The following IFT81 variants were observed in gnomAD, a reference collection of about 807,000 sequenced individuals.
IFT81 encodes the protein intraflagellar transport protein 81 homolog.
In IFT81, 72 loss-of-function variants were observed where a neutral mutation model predicts 102.6. That is an observed-to-expected ratio of 0.70 (90% confidence interval 0.58 to 0.85). The LOEUF is 0.85. Among genes scored for constraint, IFT81 ranks in the 40% least tolerant of loss-of-function variants. IFT81 has a pLI of 0.00. For synonymous variants in IFT81, 237 were observed against 242.7 expected, an observed-to-expected ratio of 0.98 and a Z score of 0.22; for missense variants, 723 against 787.3, an observed-to-expected ratio of 0.92 and a Z score of 0.98.
rs569016929 is a variant in IFT81 at position 110,194,107 on chromosome 12, G to A, written c.1557+1401G>A. ...CTTATGAGAACTCACTCACTATCATGAAAACAGCACCAAGAGAATGGTGCT... is the reference window on the plus strand; with the variant it reads ...CTTATGAGAACTCACTCACTATCATAAAAACAGCACCAAGAGAATGGTGCT... On this transcript the variant is annotated intron_variant, in intron 14 of 18. Coordinates refer to ENST00000242591, the MANE Select transcript of IFT81 (RefSeq NM_014055.4). 2.6e-5 allele frequency among the ~76,000 whole-genome samples: 4 copies of A among 152,214 alleles called. No individual in the cohort carries two copies. In the South Asian group the frequency reaches 8.3e-4, roughly 32 times the overall value.
intron 17 of IFT81, among the ~76,000 whole-genome samples, chr12:110,207,269 A>G (rs537419557): frequency 1.3e-5 from 2 of 152,258 alleles, no homozygotes; most frequent in African/African-American, 4.8e-5. Context: ...CATGTTAGCC[A>G]GGTTGGTCTC....
At chr12:110,174,619 A>G (rs1462117485) in intron 11 of IFT81, among the ~76,000 whole-genome samples, 2 of 152,164 alleles carry the variant, frequency 1.3e-5, no homozygotes, top group Admixed American at 1.3e-4. Context: ...TTCTTGTTTC[A>G]CATAAATATC....
At position 110,181,883 on chromosome 12, in the gene IFT81, G is replaced by A. The variant is rs1275386261; in HGVS notation, c.1338+1312G>A. On this transcript the variant is annotated intron_variant, in intron 12 of 18. Transcript: ENST00000242591. The stretch of plus-strand genomic sequence containing the variant: ...AAGGAGGGGAGTGAGGGAAGCAGAT[G>A]AGGCAGCAGAAAAAAGCCAAGCAAG... Among the ~76,000 whole-genome samples, 3 of 152,178 alleles carry A rather than the reference G, an allele frequency of 2.0e-5. No homozygotes were observed. In the East Asian group the frequency reaches 5.8e-4, roughly 29 times the overall value.
chr12:110,147,169 C>A, intron 10 of IFT81, 121 bp downstream of exon 10: 1 of 684,266 alleles, frequency 1.5e-6, no homozygotes. Flanking sequence ...TCTGTCACTG[C>A]TAATCTCCAT....
Position 110,205,680 on chromosome 12 carries a change from G to A in IFT81, c.1802G>A (p.Arg601Lys), listed in dbSNP as rs769641054. The change falls in exon 17 of 19, where the codon AGG becomes AAG. Residue 601 changes from arginine (R) to lysine (K), a missense_variant and splice_region_variant. Transcript: ENST00000242591. ...CAACAAGAAAAAAGAAAGGCAATTA[G>A]GCAAGTGATTTTGTTGTTTTATATT... ...SDQQEKRKAI[R>K]EQYTKNTAEQ... 3.2e-6 allele frequency: 5 copies of A among 1,570,172 alleles called. No homozygotes were observed. In the East Asian group the frequency reaches 6.8e-5, roughly 21 times the overall value.
intron 15 of IFT81, 47 bp from the exon 16 acceptor site, chr12:110,205,396 G>C (rs764084345): frequency 1.9e-6 from 3 of 1,541,448 alleles, no homozygotes; most frequent in Non-Finnish European, 2.6e-6. Context: ...CGCCATATCT[G>C]TCTCATTCTT....
At chr12:110,197,555 C>CATATATATATATATATATATAT (rs141544205) in intron 14 of IFT81, among the ~76,000 whole-genome samples, 5 of 108,814 alleles carry the variant, frequency 4.6e-5, no homozygotes, top group Non-Finnish European at 7.6e-5. Flanking sequence ...AGGTTTTTAT[C>CATATATATATATATATATATAT]ATATATATAT....
chr12:110,209,806 T>A (rs987999344), intron 18 of IFT81, among the ~76,000 whole-genome samples: 1 of 151,944 alleles, frequency 6.6e-6, no homozygotes, highest in Non-Finnish European at 1.5e-5. Flanking sequence ...CAGATATCTC[T>A]TTATGAGATA....
intron 10 of IFT81, among the ~76,000 whole-genome samples, chr12:110,157,382 A>C (rs963310764): frequency 2.0e-5 from 3 of 152,062 alleles, no homozygotes; most frequent in African/African-American, 4.8e-5. Context: ...TAATAATCAT[A>C]ATAATAAAAG....
chr12:110,215,453 CTTTTTTTTT>C (rs556887393), intron 18 of IFT81, among the ~76,000 whole-genome samples: 21 of 61,934 alleles, frequency 3.4e-4, no homozygotes, highest in African/African-American at 1.3e-3. Flanking sequence ...TCTTCTTCTT[CTTTTTTTTT>C]TTTTTTTTTT....
intron 10 of IFT81, among the ~76,000 whole-genome samples, chr12:110,157,137 C>T (rs1036383011): frequency 6.6e-6 from 1 of 151,696 alleles, no homozygotes; most frequent in African/African-American, 2.4e-5. Flanking sequence ...ATCATGTGGT[C>T]AGGAGTTTGA....
intron 11 of IFT81, among the ~76,000 whole-genome samples, chr12:110,175,032 A>G (rs1216169209): frequency 6.6e-6 from 1 of 152,238 alleles, no homozygotes; most frequent in African/African-American, 2.4e-5. Context: ...GCTCTTTCAT[A>G]GAAGACTAAT....
At chr12:110,208,356 A>C (rs1868956011) in intron 17 of IFT81, among the ~76,000 whole-genome samples, 1 of 152,068 alleles carries the variant, frequency 6.6e-6, no homozygotes. Flanking sequence ...AATACAAAAA[A>C]ATTAGCCCAA....
At chr12:110,128,692 G>A (rs1229280427) in intron 3 of IFT81, among the ~76,000 whole-genome samples, 1 of 151,030 alleles carries the variant, frequency 6.6e-6, no homozygotes, top group African/African-American at 2.4e-5. Context: ...AGCTACTTGG[G>A]AGGCTAAGGT....
At chr12:110,144,419 G>A (rs1412033546) in intron 9 of IFT81, among the ~76,000 whole-genome samples, 1 of 151,566 alleles carries the variant, frequency 6.6e-6, no homozygotes, top group African/African-American at 2.4e-5. Flanking sequence ...GTTTCACCGT[G>A]TTGGTCATGC....
At chr12:110,200,093 A>G (rs1250337551) in intron 14 of IFT81, among the ~76,000 whole-genome samples, 1 of 151,934 alleles carries the variant, frequency 6.6e-6, no homozygotes, top group East Asian at 1.9e-4. Flanking sequence ...AATTTCTTTT[A>G]TTTCTTTGAG....
At chr12:110,195,419 C>T (rs1440889974) in intron 14 of IFT81, among the ~76,000 whole-genome samples, 2 of 151,972 alleles carry the variant, frequency 1.3e-5, no homozygotes, top group Admixed American at 6.6e-5. Context: ...TAGTGTTTGC[C>T]GTTATACCTT....
chr12:110,127,333 AT>A (rs763051034), intron 1 of IFT81, 26 bp from the exon 2 acceptor site: 61 of 1,418,484 alleles, frequency 4.3e-5, no homozygotes, highest in South Asian at 8.0e-5. Flanking sequence ...AGTATTAAGG[AT>A]TTTTTTTTCT....
intron 14 of IFT81, among the ~76,000 whole-genome samples, chr12:110,195,116 A>G (rs1008706956): frequency 1.6e-4 from 25 of 152,260 alleles, no homozygotes; most frequent in Admixed American, 1.6e-3. Context: ...ATGCAGATAC[A>G]TTTGGTTTGG....
Sources: gnomAD v4.1 joint callset for allele counts (sites outside exome capture counted in the v4.1 genomes callset) on GRCh38, gnomAD v4.1.1 for gene constraint, MANE v1.5 for transcripts, NCBI Gene and HGNC (gene_info 2026-07-23, HGNC 2026-07-21) for gene names.